PDE4D: variants seen among roughly 807,000 people sequenced by gnomAD.
PDE4D encodes phosphodiesterase 4D, also known as 3',5'-cyclic-AMP phosphodiesterase 4D.
Under a neutral mutation model 87.4 loss-of-function variants are expected in PDE4D, and 24 were observed. The ratio of observed to expected loss-of-function variants is 0.27; its 90% CI spans 0.20 to 0.39. The LOEUF is 0.39. Ranked by LOEUF, PDE4D falls within the 10% of genes least tolerant of loss-of-function variation. The probability of loss-of-function intolerance (pLI) is 1.00; values close to 1 mark genes in which losing one functional copy is unlikely to be tolerated. For missense variants in PDE4D, 714 were observed against 1,041.0 expected, an observed-to-expected ratio of 0.69 and a Z score of 4.32; for synonymous variants, 384 against 383.2, an observed-to-expected ratio of 1.00 and a Z score of -0.02.
At chr5:59,710,766 T>C (rs1302679297) in intron 1 of PDE4D, among the ~76,000 whole-genome samples, 1 of 152,118 alleles carries the variant, frequency 6.6e-6, no homozygotes, top group East Asian at 1.9e-4. Flanking sequence ...CTATTCTGAC[T>C]GTTTGGATAT....
At chr5:60,307,453 C>G (rs1424332789) in intron 1 of PDE4D, among the ~76,000 whole-genome samples, 1 of 152,106 alleles carries the variant, frequency 6.6e-6, no homozygotes, top group Non-Finnish European at 1.5e-5. Flanking sequence ...AAGCTATAGA[C>G]TAATCAAGAA....
intron 1 of PDE4D, among the ~76,000 whole-genome samples, chr5:60,205,464 A>C (rs1445644021): frequency 6.6e-6 from 1 of 152,084 alleles, no homozygotes; most frequent in Non-Finnish European, 1.5e-5. Context: ...CTAAAAATGC[A>C]CCCAGCCTGA....
chr5:59,354,311 G>A lies in PDE4D; in HGVS notation c.456-138343C>T, dbSNP rs28648858. Among the ~76,000 whole-genome samples the A allele has an allele frequency of 1.4e-4, 21 of 152,216 alleles. No homozygotes were observed. In the South Asian group the frequency reaches 1.7e-3, roughly 12 times the overall value. On this transcript the variant is annotated intron_variant, in intron 1 of 14. Transcript: ENST00000340635. ...AAGATAAGCTTAAGTTACTTTCACC[G>A]CGTAAGGATTTTGTATATTTTTTAA...
At chr5:59,942,569 G>A (rs538393621) in intron 3 of PDE4D, among the ~76,000 whole-genome samples, 4 of 152,098 alleles carry the variant, frequency 2.6e-5, no homozygotes, top group Non-Finnish European at 5.9e-5. Context: ...CAAGCCGAGA[G>A]AGAATAGTGT....
chr5:59,711,861 A>T (rs932381315), intron 1 of PDE4D, among the ~76,000 whole-genome samples: 1 of 152,140 alleles, frequency 6.6e-6, no homozygotes, highest in Non-Finnish European at 1.5e-5. Flanking sequence ...AGCAACTCTC[A>T]TGAAATTTTC....
intron 2 of PDE4D, among the ~76,000 whole-genome samples, chr5:60,036,926 A>G (rs191744644): frequency 1.3e-5 from 2 of 152,340 alleles, no homozygotes; most frequent in African/African-American, 4.8e-5. Flanking sequence ...AAAACACAAA[A>G]TACATATAAA....
At chr5:59,696,255 A>G (rs1751759077) in intron 1 of PDE4D, among the ~76,000 whole-genome samples, 1 of 152,180 alleles carries the variant, frequency 6.6e-6, no homozygotes, top group African/African-American at 2.4e-5. Flanking sequence ...GATTCAACTC[A>G]GGCCATTTTT....
intron 2 of PDE4D, among the ~76,000 whole-genome samples, chr5:60,140,495 T>G (rs1780429393): frequency 6.7e-6 from 1 of 148,342 alleles, no homozygotes; most frequent in Admixed American, 6.8e-5. Flanking sequence ...TATATCCTGA[T>G]ATCACAAACA....
At chr5:59,017,390 G>A (rs891102280) in intron 6 of PDE4D, among the ~76,000 whole-genome samples, 3 of 152,164 alleles carry the variant, frequency 2.0e-5, no homozygotes, top group African/African-American at 7.2e-5. Flanking sequence ...ATGGACATTG[G>A]TGCCATTTGC....
chr5:59,438,033 C>A (rs1231346091), intron 1 of PDE4D, among the ~76,000 whole-genome samples: 3 of 152,164 alleles, frequency 2.0e-5, no homozygotes, highest in Non-Finnish European at 4.4e-5. Context: ...TCATGAGAAA[C>A]TCACTATCAC....
chr5:59,980,891 A>C (rs1396409764), intron 3 of PDE4D, among the ~76,000 whole-genome samples: 5 of 152,204 alleles, frequency 3.3e-5, no homozygotes, highest in Non-Finnish European at 7.4e-5. Context: ...TCTGGAAATA[A>C]GATGATTTTT....
chr5:59,200,752 T>C (rs142017257), intron 2 of PDE4D, among the ~76,000 whole-genome samples: 7 of 151,184 alleles, frequency 4.6e-5, no homozygotes, highest in African/African-American at 1.7e-4. Flanking sequence ...CATACACACA[T>C]ATGAAGTACA....
At chr5:59,166,649 T>TA (rs1194888379) in intron 5 of PDE4D, among the ~76,000 whole-genome samples, 1 of 152,246 alleles carries the variant, frequency 6.6e-6, no homozygotes, top group African/African-American at 2.4e-5. Flanking sequence ...GTCCATGTGA[T>TA]ACTTCTTAAA....
chr5:59,081,518 T>TTAA lies in PDE4D; in HGVS notation c.809-42548_809-42547insTTA, dbSNP rs56306218. Reference sequence around the variant, plus strand: ...ACCTCATGACCAGGAAGTAATCAGGTAAAAAAAAAAAAGAAAAAAAGTGGG... The same window carrying TTAA: ...ACCTCATGACCAGGAAGTAATCAGGTTAAAAAAAAAAAAAAGAAAAAAAGTGGG... On this transcript the variant is annotated intron_variant, in intron 5 of 14. Transcript: ENST00000340635. 2.2e-4 allele frequency among the ~76,000 whole-genome samples: 30 copies of TTAA among 135,422 alleles called. 1 individual carries two copies. Among genetic ancestry groups the TTAA allele is most frequent in the South Asian group, 9.4e-4 (4 of 4,260 alleles). The allele number at this position is 135,422 out of a possible 152,430, so 88.8% of individuals were successfully genotyped here.
intron 1 of PDE4D, among the ~76,000 whole-genome samples, chr5:59,624,342 C>T (rs766994159): frequency 9.2e-5 from 14 of 152,088 alleles, no homozygotes; most frequent in Admixed American, 1.3e-4. Flanking sequence ...GTTCTTTCCA[C>T]TCTATCTACA....
chr5:59,873,625 G>A (rs1205902142), intron 1 of PDE4D, among the ~76,000 whole-genome samples: 2 of 152,152 alleles, frequency 1.3e-5, no homozygotes, highest in African/African-American at 4.8e-5. Context: ...GAAATGAAGA[G>A]GGAGAATGTG....
chr5:59,142,807 C>T (rs1778086977), intron 5 of PDE4D, among the ~76,000 whole-genome samples: 1 of 152,166 alleles, frequency 6.6e-6, no homozygotes, highest in Non-Finnish European at 1.5e-5. Flanking sequence ...GTCCCAGCTA[C>T]TCGGGAGGCT....
intron 5 of PDE4D, among the ~76,000 whole-genome samples, chr5:59,116,363 T>G (rs1773614711): frequency 6.6e-6 from 1 of 152,194 alleles, no homozygotes; most frequent in South Asian, 2.1e-4. Context: ...GAATTTTTTT[T>G]GCCTTCTGAC....
intron 1 of PDE4D, among the ~76,000 whole-genome samples, chr5:59,284,567 T>G (rs923999408): frequency 4.7e-5 from 7 of 149,464 alleles, no homozygotes; most frequent in Non-Finnish European, 8.9e-5. Context: ...AAACAACAGG[T>G]GCTGGAGAGG....
Sources: gnomAD v4.1 joint callset for allele counts (sites outside exome capture counted in the v4.1 genomes callset) on GRCh38, gnomAD v4.1.1 for gene constraint, MANE v1.5 for transcripts, NCBI Gene and HGNC (gene_info 2026-07-23, HGNC 2026-07-21) for gene names.